ZNF783: variants seen among roughly 807,000 people sequenced by gnomAD.
The protein encoded by ZNF783 is zinc finger protein 783.
In ZNF783, 25 loss-of-function variants were observed where a neutral mutation model predicts 31.3. The observed-to-expected ratio is 0.80, with a 90% confidence interval of 0.58 to 1.11. The LOEUF (loss-of-function observed/expected upper bound fraction) is 1.11, where lower values mean the gene tolerates loss of function less well. Ranked by LOEUF, ZNF783 falls within the 50% of genes most tolerant of loss-of-function variation. The probability of loss-of-function intolerance (pLI) is 0.00; values close to 1 mark genes in which losing one functional copy is unlikely to be tolerated. For missense variants in ZNF783, 797 were observed against 760.0 expected (o/e 1.05, Z -0.57); for synonymous variants, 369 against 319.1 (o/e 1.16, Z -1.66).
At position 149,275,336 on chromosome 7, in the gene ZNF783, G is replaced by A. The variant is rs563533847; in HGVS notation, c.674-3063G>A. ...TTCTTTCTTTTTTTTTTTTTTAGAC[G>A]GAGTTTCGCTCTGTTGCCTAGGCTG... On this transcript the variant is annotated intron_variant, in intron 4 of 5. Transcript: ENST00000434415. Among the ~76,000 whole-genome samples, 314 of 149,286 alleles carry A rather than the reference G, an allele frequency of 2.1e-3. 2 individuals carry two copies. Among genetic ancestry groups the A allele is most frequent in the African/African-American group, 7.4e-3 (297 of 40,404 alleles).
chr7:149,281,772 G>T lies in ZNF783; in HGVS notation c.1070G>T (p.Ser357Ile), dbSNP rs772340007. 5.3e-6 allele frequency: 8 copies of T among 1,507,674 alleles called. No individual in the cohort carries two copies. In the South Asian group the frequency reaches 1.0e-4, roughly 19 times the overall value. The allele number at this position is 1,507,674 out of a possible 1,614,324, so 93.4% of individuals were successfully genotyped here. Residue 357 changes from serine to isoleucine, a missense_variant, in exon 6 of 6, where the codon AGC (serine) becomes ATC (isoleucine). Coordinates refer to ENST00000434415, the MANE Select transcript of ZNF783 (RefSeq NM_001195220.2). ...TTCCCCTGCCCCGACTGCGGGCAGAGCTTCCGCCTGAAGATCAATCTGACG... is the reference window on the plus strand; with the variant it reads ...TTCCCCTGCCCCGACTGCGGGCAGATCTTCCGCCTGAAGATCAATCTGACG... ...RAFPCPDCGQ[S>I]FRLKINLTIH... is the part of the protein sequence containing the mutation.
intron 4 of ZNF783, among the ~76,000 whole-genome samples, 157 bp downstream of exon 4, chr7:149,267,379 G>A (rs2129524807): frequency 1.3e-5 from 2 of 152,332 alleles, no homozygotes; most frequent in South Asian, 4.1e-4. Context: ...CCCTGGGCAG[G>A]AGTGGGTGGC....
chr7:149,273,259 A>T (rs533752705), intron 4 of ZNF783, among the ~76,000 whole-genome samples: 11 of 152,256 alleles, frequency 7.2e-5, no homozygotes, highest in Admixed American at 7.2e-4. Flanking sequence ...TCTTTTGGGT[A>T]TTACTTAGCA....
At chr7:149,263,300 GTGTGTATATA>G (rs773530918) in intron 1 of ZNF783, among the ~76,000 whole-genome samples, 7,628 of 73,958 alleles carry the variant, frequency 0.1, 240 homozygotes, top group Middle Eastern at 0.18. Context: ...GTGTGTGTGT[GTGTGTATATA>G]TATATATATA....
At chr7:149,265,545 T>C (rs941242249) in intron 1 of ZNF783, among the ~76,000 whole-genome samples, 1 of 152,162 alleles carries the variant, frequency 6.6e-6, no homozygotes, top group Non-Finnish European at 1.5e-5. Context: ...TTGTGTCTCC[T>C]CTTACAAGGG....
rs1368335380 is a variant in ZNF783 at position 149,284,909 on chromosome 7, C to CGACGTTAATAAGCCCAAGA, written c.*2569_*2587dup. 6.6e-6 allele frequency: 1 copy of CGACGTTAATAAGCCCAAGA among 152,230 alleles called. No homozygotes were observed. Among genetic ancestry groups the CGACGTTAATAAGCCCAAGA allele is most frequent in the East Asian group, 1.9e-4 (1 of 5,198 alleles). The allele number at this position is 152,230 out of a possible 1,614,324, so 9.4% of individuals were successfully genotyped here. On this transcript the variant is annotated 3_prime_UTR_variant, in exon 6 of 6. Transcript: ENST00000434415. Reference sequence around the variant, plus strand: ...ATTTGTGAAATAAATGAGTGGGCCACGACGTTAATAAGCCCAAGAGAACTG... The same window carrying CGACGTTAATAAGCCCAAGA: ...ATTTGTGAAATAAATGAGTGGGCCACGACGTTAATAAGCCCAAGAGACGTTAATAAGCCCAAGAGAACTG...
rs1210367064 is a variant in ZNF783, at chr7:149,263,324, ATT to A, written c.24+976_24+977del. Among the ~76,000 whole-genome samples the A allele has an allele frequency of 3.6e-3, 388 of 108,282 alleles. 1 individual carries two copies. Among genetic ancestry groups the A allele is most frequent in the African/African-American group, 0.012 (339 of 28,604 alleles). 71.0% of individuals were successfully genotyped at this position (108,282 alleles called of 152,430 possible). On this transcript the variant is annotated intron_variant, in intron 1 of 5. Coordinates refer to ENST00000434415, the MANE Select transcript of ZNF783 (RefSeq NM_001195220.2). Reference sequence around the variant, plus strand: ...TGTGTGTATATATATATATATATATATTTTTTTTTTAGACACAGTCTCACTCT... The same window carrying A: ...TGTGTGTATATATATATATATATATATTTTTTTTAGACACAGTCTCACTCT...
intron 1 of ZNF783, among the ~76,000 whole-genome samples, chr7:149,264,065 A>G (rs38530): frequency 1.2e-4 from 19 of 152,312 alleles, no homozygotes; most frequent in African/African-American, 4.3e-4. Context: ...GAGATCCCAA[A>G]AAACTCCCCA....
rs1165274444 is a variant in ZNF783, at chr7:149,280,001, A to G, written c.802+1474A>G. ...CTGTTGGGTACACCTCCCAGACGAG[A>G]TGGTGGCTGGGCAGAGGGGCTCCTC... On this transcript the variant is annotated intron_variant, in intron 5 of 5. Transcript: ENST00000434415. Among the ~76,000 whole-genome samples the G allele has an allele frequency of 9.6e-4, 138 of 143,028 alleles. 2 individuals carry two copies. The East Asian group carries it at 0.022, about 23-fold the overall frequency. The allele number at this position is 143,028 out of a possible 152,430, so 93.8% of individuals were successfully genotyped here.
rs1797519303 is a variant in ZNF783, at chr7:149,282,983, T to TTTTTTTTTTTTG, written c.*644_*645insTTTTTTTGTTTT. The TTTTTTTTTTTTG allele has an allele frequency of 7.3e-6, 1 of 136,940 alleles. No individual in the cohort carries two copies. Among genetic ancestry groups the TTTTTTTTTTTTG allele is most frequent in the Non-Finnish European group, 1.6e-5 (1 of 62,590 alleles). 8.5% of individuals were successfully genotyped at this position (136,940 alleles called of 1,614,324 possible). A position where few individuals can be genotyped will look rare whatever the true frequency, so the allele number is the denominator to read the frequency against. ...TTTTTTTTTTGTTGTTGTTGTTGTT[T>TTTTTTTTTTTTG]TTTTAAGATGGAGTTTCACTCTTGT... On this transcript the variant is annotated 3_prime_UTR_variant, in exon 6 of 6. Transcript: ENST00000434415.
chr7:149,276,728 C>T (rs1365685217), intron 4 of ZNF783: 3 of 635,046 alleles, frequency 4.7e-6, no homozygotes, highest in Non-Finnish European at 5.9e-6. Flanking sequence ...TGGAATGCAA[C>T]TGGCACAATC....
chr7:149,268,291 C>T (rs1797133801), intron 4 of ZNF783, among the ~76,000 whole-genome samples: 1 of 152,058 alleles, frequency 6.6e-6, no homozygotes, highest in Admixed American at 6.6e-5. Flanking sequence ...CTAGTTGTCT[C>T]AAAAATGTTT....
intron 4 of ZNF783, among the ~76,000 whole-genome samples, chr7:149,268,400 C>T (rs993544211): frequency 3.3e-5 from 5 of 152,066 alleles, no homozygotes; most frequent in Non-Finnish European, 7.4e-5. Flanking sequence ...TGACAATCCC[C>T]CCAGTCTTTT....
rs1275953555 is a variant in ZNF783 at position 149,284,129 on chromosome 7, G to A, written c.*1786G>A. The A allele has an allele frequency of 6.6e-6, 1 of 152,244 alleles. No homozygotes were observed. Among genetic ancestry groups the A allele is most frequent in the Admixed American group, 6.5e-5 (1 of 15,286 alleles). The allele number at this position is 152,244 out of a possible 1,614,324, so 9.4% of individuals were successfully genotyped here. ...CTCTCATCACACCACTGCGGACGCT[G>A]TCTGTAGAGCAGCCTTGGTGTGGGT... On this transcript the variant is annotated 3_prime_UTR_variant, in exon 6 of 6. Coordinates refer to ENST00000434415, the MANE Select transcript of ZNF783 (RefSeq NM_001195220.2).
chr7:149,276,836 G>A (rs6942988), intron 4 of ZNF783, among the ~76,000 whole-genome samples: 7 of 151,128 alleles, frequency 4.6e-5, no homozygotes, highest in African/African-American at 1.7e-4. Context: ...CATACTCGGC[G>A]TTTGGTGGTT....
chr7:149,282,483 G>C lies in ZNF783; in HGVS notation c.*140G>C. The C allele has an allele frequency of 1.4e-6, 1 of 740,482 alleles. No individual in the cohort carries two copies. Among genetic ancestry groups the C allele is most frequent in the Non-Finnish European group, 2.1e-6 (1 of 476,778 alleles). 45.9% of individuals were successfully genotyped at this position (740,482 alleles called of 1,614,324 possible). A position where few individuals can be genotyped will look rare whatever the true frequency, so the allele number is the denominator to read the frequency against. ...AGCTAGCTGCCCTTCTGGTGACATTGTGTGTGACCGGGTGCTTTCTGTTTC... is the reference window on the plus strand; with the variant it reads ...AGCTAGCTGCCCTTCTGGTGACATTCTGTGTGACCGGGTGCTTTCTGTTTC... On this transcript the variant is annotated 3_prime_UTR_variant, in exon 6 of 6. Coordinates refer to ENST00000434415, the MANE Select transcript of ZNF783 (RefSeq NM_001195220.2).
At chr7:149,265,763 A>G (rs927203304) in intron 1 of ZNF783, among the ~76,000 whole-genome samples, 5 of 152,220 alleles carry the variant, frequency 3.3e-5, no homozygotes, top group Admixed American at 3.3e-4. Flanking sequence ...ACATTGTACT[A>G]AGTGCTTTGT....
Position 149,281,717 on chromosome 7 carries a change from C to T in ZNF783, c.1015C>T (p.Arg339Ter), listed in dbSNP as rs750603634. 12 of 1,485,696 alleles carry T rather than the reference C, an allele frequency of 8.1e-6. No individual in the cohort carries two copies. Among genetic ancestry groups the T allele is most frequent in the South Asian group, 1.4e-5 (1 of 73,836 alleles). 92.0% of individuals were successfully genotyped at this position (1,485,696 alleles called of 1,614,324 possible). A position where few individuals can be genotyped will look rare whatever the true frequency, so the allele number is the denominator to read the frequency against. The stretch of plus-strand genomic sequence containing the variant: ...ACCGGGGGCCAGTGGGGAGACGCCC[C>T]GAGTCCTCTCCCGCAGGCGGCAGCG... The part of the protein sequence containing the change: ...RPPGASGETP[R>*]VLSRRRQRAF... Residue 339 changes from arginine (R) to a stop codon, truncating the protein, a stop_gained, in exon 6 of 6, where the codon CGA becomes TGA. Transcript: ENST00000434415. LOFTEE classifies it low-confidence loss of function (END_TRUNC).
rs1330466203 is a variant in ZNF783, at chr7:149,281,486, A to G, written c.803-19A>G. 2.0e-5 allele frequency: 29 copies of G among 1,433,034 alleles called. No individual in the cohort carries two copies. The highest frequency in any genetic ancestry group is 1.8e-4 in the Middle Eastern group (1 of 5,418). 88.8% of individuals were successfully genotyped at this position (1,433,034 alleles called of 1,614,324 possible). ...GGTGGTGAGGTCCACTTGGAAACCA[A>G]CATAGACTCCTTTGCCAGGTGGTGG... On this transcript the variant is annotated intron_variant, in intron 5 of 5. Transcript: ENST00000434415.
Sources: gnomAD v4.1 joint callset for allele counts (sites outside exome capture counted in the v4.1 genomes callset) on GRCh38, gnomAD v4.1.1 for gene constraint, MANE v1.5 for transcripts, NCBI Gene and HGNC (gene_info 2026-07-23, HGNC 2026-07-21) for gene names.